The following CTNNA3 variants were observed in gnomAD, a reference collection of about 807,000 sequenced individuals.
The protein encoded by CTNNA3 is catenin alpha-3.
CTNNA3 carries 76 observed loss-of-function variants against 95.7 expected under a neutral mutation model. The observed-to-expected ratio is 0.79, with a 90% CI of 0.66 to 0.96. The LOEUF (loss-of-function observed/expected upper bound fraction) is 0.96, where lower values mean the gene tolerates loss of function less well. CTNNA3 is among the 40% of genes least tolerant of loss of function. CTNNA3 has a pLI of 0.00. For missense variants in CTNNA3, 1,191 were observed against 1,089.8 expected (o/e 1.09, Z -1.31); for synonymous variants, 431 against 374.4 (o/e 1.15, Z -1.74).
intron 3 of CTNNA3, among the ~76,000 whole-genome samples, chr10:67,549,885 T>C (rs894220087): frequency 3.9e-5 from 6 of 152,220 alleles, no homozygotes; most frequent in African/African-American, 1.2e-4. Flanking sequence ...CTTGCAACAA[T>C]GTACGGCCCA....
At chr10:66,587,917 A>ACTACTTG (rs1325528823) in intron 10 of CTNNA3, among the ~76,000 whole-genome samples, 1 of 152,136 alleles carries the variant, frequency 6.6e-6, no homozygotes, top group Non-Finnish European at 1.5e-5. Context: ...TAGCAAACTT[A>ACTACTTG]CTACTTGCCC....
chr10:65,933,049 T>C (rs933192965), intron 17 of CTNNA3, among the ~76,000 whole-genome samples: 2 of 152,162 alleles, frequency 1.3e-5, no homozygotes, highest in South Asian at 4.1e-4. Flanking sequence ...GGTGCGTGTA[T>C]GTATGCGCTT....
chr10:66,019,569 A>C (rs2133419190), intron 15 of CTNNA3, among the ~76,000 whole-genome samples: 1 of 152,272 alleles, frequency 6.6e-6, no homozygotes, highest in South Asian at 2.1e-4. Context: ...AATGCTTCTG[A>C]CATAAAAAAA....
intron 5 of CTNNA3, among the ~76,000 whole-genome samples, chr10:67,315,011 T>G (rs988480405): frequency 6.6e-6 from 1 of 152,220 alleles, no homozygotes; most frequent in African/African-American, 2.4e-5. Flanking sequence ...ACCAGCTTAA[T>G]GAAGTTCCTT....
intron 7 of CTNNA3, among the ~76,000 whole-genome samples, chr10:66,981,191 A>G (rs1589540894): frequency 6.6e-6 from 1 of 152,242 alleles, no homozygotes; most frequent in Non-Finnish European, 1.5e-5. Flanking sequence ...GGCGTGAGCC[A>G]CCGCGCCCAG....
intron 5 of CTNNA3, among the ~76,000 whole-genome samples, chr10:67,345,983 C>A (rs1842399228): frequency 6.6e-6 from 1 of 151,810 alleles, no homozygotes; most frequent in African/African-American, 2.4e-5. Context: ...TTTTTATTTT[C>A]TGATTGTATC....
intron 2 of CTNNA3, among the ~76,000 whole-genome samples, chr10:67,639,353 G>A (rs969851942): frequency 1.3e-5 from 2 of 152,102 alleles, no homozygotes; most frequent in Non-Finnish European, 2.9e-5. Flanking sequence ...CTGAAATTGA[G>A]GCAATAATTA....
chr10:67,339,453 A>G (rs1449164999), intron 5 of CTNNA3, among the ~76,000 whole-genome samples: 1 of 152,174 alleles, frequency 6.6e-6, no homozygotes, highest in Non-Finnish European at 1.5e-5. Context: ...TATCCTAAGG[A>G]TTATAGGCAA....
intron 13 of CTNNA3, among the ~76,000 whole-genome samples, chr10:66,128,684 A>T (rs1267702273): frequency 6.6e-6 from 1 of 152,232 alleles, no homozygotes; most frequent in Non-Finnish European, 1.5e-5. Context: ...CTTTTAGGGC[A>T]GTTAAACTAC....
chr10:67,151,678 G>T (rs1861093878), intron 7 of CTNNA3, among the ~76,000 whole-genome samples: 1 of 152,194 alleles, frequency 6.6e-6, no homozygotes, highest in Admixed American at 6.5e-5. Flanking sequence ...AGGGAGCTAA[G>T]CTGCAGCTTC....
At chr10:67,462,187 C>G (rs1847404348) in intron 5 of CTNNA3, among the ~76,000 whole-genome samples, 2 of 152,246 alleles carry the variant, frequency 1.3e-5, no homozygotes, top group East Asian at 3.9e-4. Context: ...TCTCTCTGTT[C>G]CCTCAATTCC....
At chr10:67,750,367 G>C in intron 1 of CTNNA3, 5 of 1,501,878 alleles carry the variant, frequency 3.3e-6, no homozygotes, top group Non-Finnish European at 4.6e-6. Flanking sequence ...TCGGCAAAGT[G>C]AAAGAAGTGG....
chr10:67,248,864 T>C lies in CTNNA3; in HGVS notation c.580-28994A>G, dbSNP rs1322662027. Among the ~76,000 whole-genome samples the C allele has an allele frequency of 2.6e-5, 4 of 152,242 alleles. No homozygotes were observed. In the East Asian group the frequency reaches 7.7e-4, roughly 29 times the overall value. The stretch of plus-strand genomic sequence containing the variant: ...GCCTAGTGTTCCATTATTGGAATGC[T>C]AAGGATGTGGGAGTTATTTATATCC... On this transcript the variant is annotated intron_variant, in intron 5 of 17. Coordinates refer to ENST00000433211, the MANE Select transcript of CTNNA3 (RefSeq NM_013266.4).
At chr10:67,472,454 T>G (rs1847863443) in intron 5 of CTNNA3, among the ~76,000 whole-genome samples, 1 of 152,146 alleles carries the variant, frequency 6.6e-6, no homozygotes, top group Admixed American at 6.5e-5. Context: ...CATCTCCAGT[T>G]ACCTTCACTG....
intron 11 of CTNNA3, among the ~76,000 whole-genome samples, chr10:66,451,144 C>A (rs1466419853): frequency 6.6e-6 from 1 of 152,090 alleles, no homozygotes; most frequent in Non-Finnish European, 1.5e-5. Flanking sequence ...GTGTGATAGT[C>A]TTTAAGTAAA....
At chr10:66,043,360 A>G (rs2133503181) in intron 15 of CTNNA3, among the ~76,000 whole-genome samples, 1 of 152,296 alleles carries the variant, frequency 6.6e-6, no homozygotes, top group Non-Finnish European at 1.5e-5. Context: ...TCCACTGGCA[A>G]TGTAGTCATT....
intron 15 of CTNNA3, among the ~76,000 whole-genome samples, chr10:66,033,431 G>T (rs777209154): frequency 5.3e-5 from 8 of 152,120 alleles, no homozygotes; most frequent in African/African-American, 1.9e-4. Flanking sequence ...CACTGTGCCC[G>T]GCATAATTGT....
chr10:67,602,077 T>C (rs1421078853), intron 3 of CTNNA3, among the ~76,000 whole-genome samples: 2 of 152,088 alleles, frequency 1.3e-5, no homozygotes, highest in African/African-American at 4.8e-5. Context: ...AATAAGTCAA[T>C]AAATATATAA....
chr10:66,599,454 G>C (rs1009615093), intron 10 of CTNNA3, among the ~76,000 whole-genome samples: 2 of 151,852 alleles, frequency 1.3e-5, no homozygotes, highest in African/African-American at 4.8e-5. Flanking sequence ...TCAATTTTTG[G>C]CCCATTTCTC....
Sources: gnomAD v4.1 joint callset for allele counts (sites outside exome capture counted in the v4.1 genomes callset) on GRCh38, gnomAD v4.1.1 for gene constraint, MANE v1.5 for transcripts, NCBI Gene and HGNC (gene_info 2026-07-23, HGNC 2026-07-21) for gene names.